CIMIP2A: variants seen among roughly 807,000 people sequenced by gnomAD.
CIMIP2A encodes the protein family with sequence similarity 166 member A.
chr9:137,254,971 G>T, the CIMIP2A span, among the ~76,000 whole-genome samples: 2 of 152,234 alleles, frequency 1.3e-5, no homozygotes, highest in African/African-American at 4.8e-5. Context: ...CGGCCCCTGC[G>T]GGGCAGAGGG....
the CIMIP2A span, chr9:137,244,376 C>G: frequency 6.3e-7 from 1 of 1,593,790 alleles, no homozygotes; most frequent in African/African-American, 1.3e-5. Context: ...GGCCGGAGGG[C>G]CGGCACTCCG....
chr9:137,252,360 C>G, the CIMIP2A span: 3 of 1,480,022 alleles, frequency 2.0e-6, no homozygotes, highest in African/African-American at 4.2e-5. Flanking sequence ...AGGGTGGGAA[C>G]CGGGAGACAG....
the CIMIP2A span, chr9:137,244,255 C>T: frequency 2.0e-5 from 32 of 1,613,838 alleles, no homozygotes; most frequent in Middle Eastern, 1.7e-4. Flanking sequence ...GGCAGCTTCT[C>T]GCCCAGGTCA....
chr9:137,244,247 C>G, the CIMIP2A span: 1 of 1,613,866 alleles, frequency 6.2e-7, no homozygotes, highest in Non-Finnish European at 8.5e-7. Flanking sequence ...GTGTTCCAGG[C>G]AGCTTCTCGC....
the CIMIP2A span, chr9:137,245,419 G>A: frequency 2.5e-6 from 4 of 1,613,776 alleles, no homozygotes; most frequent in Admixed American, 5.0e-5. Context: ...TGGGCACGGA[G>A]GGTGCGGGGT....
chr9:137,255,047 G>GT, the CIMIP2A span: 41 of 154,652 alleles, frequency 2.7e-4, 1 homozygote, highest in Non-Finnish European at 4.9e-4. Flanking sequence ...CTGCAAGAGC[G>GT]TTTTCCACGC....
the CIMIP2A span, chr9:137,245,423 G>A: frequency 7.4e-6 from 12 of 1,613,928 alleles, no homozygotes; most frequent in Admixed American, 3.3e-5. Flanking sequence ...CACGGAGGGT[G>A]CGGGGTGTCG....
chr9:137,252,126 C>G, the CIMIP2A span: 2 of 1,610,382 alleles, frequency 1.2e-6, no homozygotes, highest in Non-Finnish European at 1.7e-6. Context: ...CTGCAAGCAC[C>G]AGGGCCGAGG....
the CIMIP2A span, chr9:137,247,750 C>T: frequency 6.2e-7 from 1 of 1,605,432 alleles, no homozygotes. Flanking sequence ...GCTCCAGTCC[C>T]TCCCGGCATC....
At chr9:137,244,423 C>G in the CIMIP2A span, 1 of 1,537,808 alleles carries the variant, frequency 6.5e-7, no homozygotes, top group South Asian at 1.3e-5. Context: ...TTCTGCATCC[C>G]CCTACCCCCG....
At chr9:137,245,156 A>T in the CIMIP2A span, 3 of 1,533,416 alleles carry the variant, frequency 2.0e-6, no homozygotes, top group South Asian at 2.3e-5. Context: ...AGCTGCCCAC[A>T]TCTAGCGTCT....
chr9:137,243,749 G>C, the CIMIP2A span: 2 of 1,614,114 alleles, frequency 1.2e-6, no homozygotes, highest in Non-Finnish European at 1.7e-6. Flanking sequence ...GGCCCTCCGG[G>C]TGCTGTTGCC....
chr9:137,252,185 G>A, the CIMIP2A span: 4 of 1,570,716 alleles, frequency 2.5e-6, no homozygotes, highest in Non-Finnish European at 3.5e-6. Context: ...CCCTCACCCT[G>A]GGAATGGGGG....
chr9:137,245,784 C>T, the CIMIP2A span: 1 of 1,541,110 alleles, frequency 6.5e-7, no homozygotes, highest in South Asian at 1.2e-5. Context: ...GGTCTGTGAG[C>T]AGCTGCCCCG....
the CIMIP2A span, chr9:137,244,317 TC>T: frequency 1.2e-6 from 2 of 1,612,498 alleles, no homozygotes; most frequent in Non-Finnish European, 1.7e-6. Context: ...GCTAACAAGC[TC>T]CCTCCCCGGC....
chr9:137,245,762 T>G, the CIMIP2A span: 2 of 1,574,766 alleles, frequency 1.3e-6, no homozygotes, highest in Non-Finnish European at 1.7e-6. Flanking sequence ...CAGGGGCTCT[T>G]CTGCACACTG....
chr9:137,251,304 G>A, the CIMIP2A span: 4 of 1,612,824 alleles, frequency 2.5e-6, no homozygotes, highest in East Asian at 2.2e-5. Flanking sequence ...ATTCTGACCA[G>A]AAGGCAGTGA....
the CIMIP2A span, chr9:137,244,757 G>C: frequency 1.9e-6 from 3 of 1,609,160 alleles, no homozygotes; most frequent in Non-Finnish European, 2.5e-6. Context: ...GCAGATGTAC[G>C]GGCTACCCCA....
At chr9:137,246,737 T>G in the CIMIP2A span, among the ~76,000 whole-genome samples, 3 of 151,776 alleles carry the variant, frequency 2.0e-5, no homozygotes, top group Admixed American at 2.0e-4. Flanking sequence ...CACTCCAGCC[T>G]GGGCAACAGA....
Sources: gnomAD v4.1 joint callset for allele counts (sites outside exome capture counted in the v4.1 genomes callset) on GRCh38, gnomAD v4.1.1 for gene constraint, MANE v1.5 for transcripts, NCBI Gene and HGNC (gene_info 2026-07-23, HGNC 2026-07-21) for gene names.